The following SLC24A2 variants were observed in gnomAD, a reference collection of about 807,000 sequenced individuals.
SLC24A2 encodes sodium/potassium/calcium exchanger 2.
In SLC24A2, 36 loss-of-function variants were observed where a neutral mutation model predicts 62.0. That is an observed-to-expected ratio of 0.58 (90% CI 0.44 to 0.77). The LOEUF (loss-of-function observed/expected upper bound fraction) is 0.77. Among genes scored for constraint, SLC24A2 ranks in the 30% least tolerant of loss-of-function variants. SLC24A2 has a pLI of 0.00. For missense variants in SLC24A2, 846 were observed against 817.9 expected (o/e 1.03, Z -0.42); for synonymous variants, 358 against 294.0 (o/e 1.22, Z -2.23).
At chr9:19,992,003 G>A in the SLC24A2 span, among the ~76,000 whole-genome samples, 5 of 152,206 alleles carry the variant, frequency 3.3e-5, no homozygotes, top group South Asian at 4.1e-4. Context: ...TTAGACTGCT[G>A]AATGAGTGAA....
At chr9:20,240,635 T>G in the SLC24A2 span, among the ~76,000 whole-genome samples, 1 of 152,140 alleles carries the variant, frequency 6.6e-6, no homozygotes, top group African/African-American at 2.4e-5. Flanking sequence ...GGTTCCTTTC[T>G]TTCACAGATT....
At chr9:19,615,861 A>G (rs1025059217) in intron 4 of SLC24A2, among the ~76,000 whole-genome samples, 1 of 152,168 alleles carries the variant, frequency 6.6e-6, no homozygotes, top group East Asian at 1.9e-4. Flanking sequence ...TCACAAAAAC[A>G]AAACATAACC....
intron 7 of SLC24A2, among the ~76,000 whole-genome samples, chr9:19,571,020 G>C (rs1441648025): frequency 6.6e-6 from 1 of 152,166 alleles, no homozygotes; most frequent in Non-Finnish European, 1.5e-5. Flanking sequence ...GGACTCTTTT[G>C]CTCCCCTGCA....
chr9:19,614,777 A>C (rs975355215), intron 4 of SLC24A2, among the ~76,000 whole-genome samples: 12 of 151,962 alleles, frequency 7.9e-5, no homozygotes, highest in Non-Finnish European at 1.6e-4. Context: ...CCACAGGGGG[A>C]ATCAGGGGAC....
the SLC24A2 span, among the ~76,000 whole-genome samples, chr9:20,207,343 T>TGC: frequency 6.6e-6 from 1 of 152,208 alleles, no homozygotes; most frequent in Non-Finnish European, 1.5e-5. Context: ...CACTACTCCT[T>TGC]GCCTCATGCC....
chr9:20,127,207 A>T, the SLC24A2 span, among the ~76,000 whole-genome samples: 5 of 151,910 alleles, frequency 3.3e-5, no homozygotes, highest in African/African-American at 1.2e-4. Context: ...TCTCTCCTTC[A>T]TTCCTTCATT....
At chr9:19,722,252 T>C (rs763197962) in intron 2 of SLC24A2, among the ~76,000 whole-genome samples, 3 of 152,120 alleles carry the variant, frequency 2.0e-5, no homozygotes, top group East Asian at 1.9e-4. Flanking sequence ...TCAGATACCA[T>C]CTTCAAGAGT....
At chr9:19,899,949 C>A in the SLC24A2 span, among the ~76,000 whole-genome samples, 3 of 152,178 alleles carry the variant, frequency 2.0e-5, no homozygotes. Flanking sequence ...CATCTTAATA[C>A]AATTCAAGAT....
intron 2 of SLC24A2, among the ~76,000 whole-genome samples, chr9:19,748,801 G>A (rs575530973): frequency 4.6e-5 from 7 of 152,120 alleles, no homozygotes; most frequent in Admixed American, 1.3e-4. Flanking sequence ...ACGGAAGGAA[G>A]GATGAATCAC....
the SLC24A2 span, among the ~76,000 whole-genome samples, chr9:20,122,294 T>C: frequency 7.9e-5 from 12 of 152,222 alleles, no homozygotes; most frequent in African/African-American, 2.7e-4. Context: ...ATACATCCGA[T>C]AGTTCTGCAC....
the SLC24A2 span, among the ~76,000 whole-genome samples, chr9:19,931,650 G>A: frequency 1.3e-5 from 2 of 151,956 alleles, no homozygotes; most frequent in Admixed American, 1.3e-4. Flanking sequence ...TTCAAATTAG[G>A]GTGACTAAAC....
the SLC24A2 span, among the ~76,000 whole-genome samples, chr9:19,962,579 G>A: frequency 1.2e-4 from 19 of 152,104 alleles, no homozygotes; most frequent in South Asian, 1.7e-3. Flanking sequence ...GGTCCTTCCC[G>A]TCCCTTGTAA....
At chr9:19,918,949 A>T in the SLC24A2 span, among the ~76,000 whole-genome samples, 1 of 152,346 alleles carries the variant, frequency 6.6e-6, no homozygotes, top group South Asian at 2.1e-4. Flanking sequence ...GGCAAGAAAG[A>T]TAATTTGGGT....
At chr9:19,601,557 G>A (rs1219730895) in intron 4 of SLC24A2, among the ~76,000 whole-genome samples, 12 of 152,000 alleles carry the variant, frequency 7.9e-5, no homozygotes, top group Admixed American at 1.3e-4. Flanking sequence ...CGAACCCACC[G>A]GAAAGAACCA....
chr9:20,078,764 A>G, the SLC24A2 span, among the ~76,000 whole-genome samples: 1 of 152,166 alleles, frequency 6.6e-6, no homozygotes, highest in Non-Finnish European at 1.5e-5. Flanking sequence ...TCTTTCCTCC[A>G]AAAGAATGCC....
rs1383316877 is a variant in SLC24A2, at chr9:19,735,527, A to G, written c.930+50410T>C. 7.9e-5 allele frequency among the ~76,000 whole-genome samples: 12 copies of G among 152,188 alleles called. No homozygotes were observed. The East Asian group carries it at 1.2e-3, about 15-fold the overall frequency. ...ACTGGGTATATACCCAAAGGATTATAAATCATGCTGCTGTAAAGACACATG... is the reference window on the plus strand; with the variant it reads ...ACTGGGTATATACCCAAAGGATTATGAATCATGCTGCTGTAAAGACACATG... On this transcript the variant is annotated intron_variant, in intron 2 of 10. Coordinates refer to ENST00000341998, the MANE Select transcript of SLC24A2 (RefSeq NM_020344.4).
the SLC24A2 span, among the ~76,000 whole-genome samples, chr9:19,827,487 G>A: frequency 6.6e-6 from 1 of 151,846 alleles, no homozygotes; most frequent in East Asian, 1.9e-4. Context: ...CTTACCAGTG[G>A]TAATTTAAAA....
chr9:19,649,963 C>A (rs1818751810), intron 2 of SLC24A2, among the ~76,000 whole-genome samples: 1 of 152,192 alleles, frequency 6.6e-6, no homozygotes, highest in African/African-American at 2.4e-5. Context: ...GGCCAAGGAG[C>A]AAAAGCTCTA....
At chr9:20,249,346 G>A in the SLC24A2 span, among the ~76,000 whole-genome samples, 1 of 152,092 alleles carries the variant, frequency 6.6e-6, no homozygotes, top group African/African-American at 2.4e-5. Context: ...CTGAGCCTCA[G>A]TTTTCTCATC....
Sources: allele counts gnomAD v4.1 joint callset (sites outside exome capture counted in the v4.1 genomes callset), GRCh38; gene constraint gnomAD v4.1.1; transcripts MANE v1.5; gene names NCBI Gene and HGNC (gene_info 2026-07-23, HGNC 2026-07-21).